MEGF11: variants seen among roughly 807,000 people sequenced by gnomAD.
MEGF11 encodes multiple EGF like domains 11.
Under a neutral mutation model 146.6 loss-of-function variants are expected in MEGF11, and 126 were observed. The ratio of observed to expected loss-of-function variants is 0.86; its 90% confidence interval spans 0.74 to 1.00. The LOEUF (loss-of-function observed/expected upper bound fraction) is 1.00, where lower values mean the gene tolerates loss of function less well. MEGF11 is among the 50% of genes least tolerant of loss of function. The pLI is 0.00. For missense variants in MEGF11, 1,509 were observed against 1,521.2 expected (o/e 0.99, Z 0.13); for synonymous variants, 532 against 583.4 (o/e 0.91, Z 1.27).
At chr15:66,229,638 G>A (rs902911618) in intron 1 of MEGF11, among the ~76,000 whole-genome samples, 1 of 152,148 alleles carries the variant, frequency 6.6e-6, no homozygotes, top group Non-Finnish European at 1.5e-5. Flanking sequence ...TGGCCCTTCC[G>A]AGGCTGCATA....
chr15:66,236,691 C>A (rs962929372), intron 1 of MEGF11, among the ~76,000 whole-genome samples: 48 of 152,126 alleles, frequency 3.2e-4, no homozygotes, highest in African/African-American at 1.1e-3. Flanking sequence ...GGAAGGGTCC[C>A]CAGTGAGCCT....
chr15:65,915,601 G>A lies in MEGF11; in HGVS notation c.2345-3C>T. On this transcript the variant is annotated splice_polypyrimidine_tract_variant and splice_region_variant and intron_variant, in intron 18 of 25. Coordinates refer to ENST00000395614, the MANE Select transcript of MEGF11 (RefSeq NM_001385028.1). Reference sequence around the variant, plus strand: ...GCCAAAGGTTCCTGGGGCACATCCTGTGTGGCACAAAGAGTTAGGGTAGAG... The same window carrying A: ...GCCAAAGGTTCCTGGGGCACATCCTATGTGGCACAAAGAGTTAGGGTAGAG... 6.2e-7 allele frequency: 1 copy of A among 1,613,736 alleles called. No homozygotes were observed. The highest frequency in any genetic ancestry group is 1.1e-5 in the South Asian group (1 of 91,038).
In MEGF11 at chr15:65,982,147, CCAGCCCCT is replaced by C; in HGVS notation, c.641+87_641+94del. 1 of 1,320,714 alleles carries C rather than the reference CCAGCCCCT, an allele frequency of 7.6e-7. No homozygotes were observed. 81.8% of individuals were successfully genotyped at this position (1,320,714 alleles called of 1,614,324 possible). A position where few individuals can be genotyped will look rare whatever the true frequency, so the allele number is the denominator to read the frequency against. On this transcript the variant is annotated intron_variant, in intron 6 of 25. Transcript: ENST00000395614. The surrounding 1 kb of genome is among the most constrained non-coding windows in gnomAD (Gnocchi z 5.6). Reference sequence around the variant, plus strand: ...GAGGGCAGCCACTCCAGGCCCCGCCCCAGCCCCTCCACCTCCTCTACCCTCCCCACCCA... The same window carrying C: ...GAGGGCAGCCACTCCAGGCCCCGCCCCCACCTCCTCTACCCTCCCCACCCA...
intron 1 of MEGF11, among the ~76,000 whole-genome samples, chr15:66,242,899 G>A (rs925850365): frequency 3.9e-5 from 6 of 152,162 alleles, no homozygotes; most frequent in African/African-American, 1.2e-4. Flanking sequence ...AGAGAGGAAG[G>A]AAATCATTTA....
chr15:65,942,538 T>TGAC (rs1316399965), intron 10 of MEGF11, among the ~76,000 whole-genome samples: 2 of 152,064 alleles, frequency 1.3e-5, no homozygotes, highest in East Asian at 1.9e-4. Flanking sequence ...ATGATGATGA[T>TGAC]GACTATGGTG....
chr15:65,937,044 T>TG (rs972847513), intron 10 of MEGF11, among the ~76,000 whole-genome samples: 3 of 152,328 alleles, frequency 2.0e-5, no homozygotes, highest in Non-Finnish European at 4.4e-5. Flanking sequence ...GTATCCACTC[T>TG]GGGAGACAAG....
rs2078380200 is a variant in MEGF11 at position 65,897,523 on chromosome 15, A to G, written c.*411T>C. 1 of 153,088 alleles carries G rather than the reference A, an allele frequency of 6.5e-6. No homozygotes were observed. The highest frequency in any genetic ancestry group is 1.5e-5 in the Non-Finnish European group (1 of 68,752). 9.5% of individuals were successfully genotyped at this position (153,088 alleles called of 1,614,324 possible). The stretch of plus-strand genomic sequence containing the variant: ...ATGGTAACAGCAACCAAAAGTACAT[A>G]TACGTTTCAGGTGCTTTAAAGTAAT... On this transcript the variant is annotated 3_prime_UTR_variant, in exon 26 of 26. Transcript: ENST00000395614.
intron 1 of MEGF11, among the ~76,000 whole-genome samples, chr15:66,145,802 G>A (rs916431419): frequency 6.6e-6 from 1 of 152,184 alleles, no homozygotes; most frequent in Non-Finnish European, 1.5e-5. Flanking sequence ...ATTACTAGCT[G>A]AGTGACTCCG....
At chr15:65,965,624 T>TCTTTCTTTCTTTCTTTC (rs1567180177) in intron 8 of MEGF11, among the ~76,000 whole-genome samples, 2 of 118,728 alleles carry the variant, frequency 1.7e-5, no homozygotes, top group Non-Finnish European at 3.9e-5. Context: ...TTTTTTTTTT[T>TCTTTCTTTCTTTCTTTC]TTTGGCTCTT....
chr15:66,078,657 C>A (rs1727468920), intron 5 of MEGF11, among the ~76,000 whole-genome samples: 1 of 152,162 alleles, frequency 6.6e-6, no homozygotes, highest in South Asian at 2.1e-4. Context: ...TCCTGGAGAC[C>A]CTGCCTGCAG....
intron 5 of MEGF11, among the ~76,000 whole-genome samples, chr15:66,048,666 A>G (rs142226495): frequency 1.2e-4 from 18 of 152,198 alleles, no homozygotes; most frequent in African/African-American, 4.1e-4. Context: ...CCTCCTGCCC[A>G]CCTTGCCACG....
intron 5 of MEGF11, among the ~76,000 whole-genome samples, chr15:65,997,144 C>G (rs1023342808): frequency 3.9e-5 from 6 of 152,210 alleles, no homozygotes; most frequent in African/African-American, 1.4e-4. Flanking sequence ...GACACTCTAT[C>G]CATCACTGCT....
At chr15:66,050,639 T>A (rs913020894) in intron 5 of MEGF11, among the ~76,000 whole-genome samples, 2 of 152,168 alleles carry the variant, frequency 1.3e-5, no homozygotes, top group African/African-American at 4.8e-5. Context: ...ACCTGACCAA[T>A]GTTTTAAAAG....
intron 10 of MEGF11, among the ~76,000 whole-genome samples, chr15:65,933,488 T>C (rs993050428): frequency 1.3e-5 from 2 of 152,216 alleles, no homozygotes; most frequent in African/African-American, 4.8e-5. Context: ...CCGTGATCCA[T>C]GGGACAGGAT....
rs60154748 is a variant in MEGF11, at chr15:65,980,395, C to CTTTTTTT, written c.762+376_762+382dup. Among the ~76,000 whole-genome samples the CTTTTTTT allele has an allele frequency of 8.4e-4, 74 of 88,194 alleles. 1 individual carries two copies. The highest frequency in any genetic ancestry group is 1.7e-3 in the African/African-American group (35 of 20,196). 57.9% of individuals were successfully genotyped at this position (88,194 alleles called of 152,430 possible). ...TATTCAGAGTGGGAGAAGAATTCAG[C>CTTTTTTT]TTTTTTTTTTTTTTTTTTTTTTTTG... On this transcript the variant is annotated intron_variant, in intron 7 of 25. Transcript: ENST00000395614.
chr15:65,991,205 C>T (rs536228184), intron 5 of MEGF11, among the ~76,000 whole-genome samples: 5 of 152,320 alleles, frequency 3.3e-5, no homozygotes, highest in African/African-American at 1.2e-4. Flanking sequence ...CCTAGGGTAG[C>T]AGGGATGGAG....
At chr15:66,120,581 C>G (rs1315034251) in intron 3 of MEGF11, among the ~76,000 whole-genome samples, 1 of 152,126 alleles carries the variant, frequency 6.6e-6, no homozygotes, top group Non-Finnish European at 1.5e-5. Flanking sequence ...CACCTTAAAG[C>G]CCTCACTTCA....
intron 4 of MEGF11, among the ~76,000 whole-genome samples, chr15:66,118,013 C>T (rs1470833098): frequency 6.6e-6 from 1 of 152,144 alleles, no homozygotes; most frequent in Admixed American, 6.5e-5. Context: ...CCCACTCTGC[C>T]CAAATTTTCC....
chr15:65,938,252 G>A (rs113225511), intron 10 of MEGF11, among the ~76,000 whole-genome samples: 4 of 152,252 alleles, frequency 2.6e-5, no homozygotes, highest in African/African-American at 7.2e-5. Flanking sequence ...AAAAGGGAAA[G>A]TGACTTGCCC....
Sources: allele counts gnomAD v4.1 joint callset (sites outside exome capture counted in the v4.1 genomes callset), GRCh38; gene constraint gnomAD v4.1.1; non-coding constraint Gnocchi (gnomAD v3.1); transcripts MANE v1.5; gene names NCBI Gene and HGNC (gene_info 2026-07-23, HGNC 2026-07-21).